Variants in TMTC2 observed in about 807,000 individuals in gnomAD.
The protein encoded by TMTC2 is protein O-mannosyl-transferase TMTC2.
Under a neutral mutation model 82.4 loss-of-function variants are expected in TMTC2, and 43 were observed. The ratio of observed to expected loss-of-function variants is 0.52; its 90% CI spans 0.41 to 0.67. The LOEUF (loss-of-function observed/expected upper bound fraction) is 0.67, where lower values mean the gene tolerates loss of function less well. Among genes scored for constraint, TMTC2 ranks in the 30% least tolerant of loss-of-function variants. TMTC2 has a pLI of 0.00. For missense variants in TMTC2, 919 were observed against 1,012.4 expected (o/e 0.91, Z 1.25); for synonymous variants, 408 against 381.9 (o/e 1.07, Z -0.80).
chr12:82,868,488 C>T (rs966014786), intron 2 of TMTC2, among the ~76,000 whole-genome samples: 1 of 152,046 alleles, frequency 6.6e-6, no homozygotes, highest in African/African-American at 2.4e-5. Flanking sequence ...ATCTTGCCAT[C>T]ATCATCATCT....
At chr12:82,703,894 C>G (rs891622326) in intron 1 of TMTC2, among the ~76,000 whole-genome samples, 3 of 152,196 alleles carry the variant, frequency 2.0e-5, no homozygotes, top group Non-Finnish European at 4.4e-5. Context: ...CCAGATTCAA[C>G]TGTCTATAGA....
intron 1 of TMTC2, among the ~76,000 whole-genome samples, chr12:82,780,431 AAC>A (rs1219574705): frequency 1.3e-5 from 2 of 151,914 alleles, no homozygotes; most frequent in African/African-American, 4.8e-5. Context: ...CACAACAGTA[AAC>A]AGTTTTTTTT....
intron 1 of TMTC2, among the ~76,000 whole-genome samples, chr12:82,814,108 T>C (rs570780452): frequency 6.6e-6 from 1 of 152,276 alleles, no homozygotes; most frequent in East Asian, 1.9e-4. Context: ...TGAAGGTACT[T>C]GCTCATGGTG....
intron 3 of TMTC2, among the ~76,000 whole-genome samples, chr12:82,920,383 C>G (rs1479907040): frequency 6.6e-6 from 1 of 152,076 alleles, no homozygotes; most frequent in Non-Finnish European, 1.5e-5. Context: ...CAGATCACAG[C>G]ATTTCTAGAG....
chr12:82,976,129 C>G (rs1277195629), intron 7 of TMTC2, among the ~76,000 whole-genome samples: 1 of 152,082 alleles, frequency 6.6e-6, no homozygotes, highest in Non-Finnish European at 1.5e-5. Flanking sequence ...TTTGAAAATT[C>G]TGAGCATTTA....
chr12:83,070,858 A>T (rs923423238), intron 11 of TMTC2, among the ~76,000 whole-genome samples: 1 of 152,112 alleles, frequency 6.6e-6, no homozygotes, highest in Admixed American at 6.5e-5. Context: ...TACACAGGGT[A>T]CATCCCTTGT....
intron 1 of TMTC2, among the ~76,000 whole-genome samples, chr12:82,705,208 G>A (rs1873292394): frequency 6.6e-6 from 1 of 152,156 alleles, no homozygotes; most frequent in Non-Finnish European, 1.5e-5. Context: ...GGTAGAGGGT[G>A]AGGGATAAAA....
At chr12:82,778,241 A>G (rs1877698567) in intron 1 of TMTC2, among the ~76,000 whole-genome samples, 2 of 152,138 alleles carry the variant, frequency 1.3e-5, no homozygotes, top group Admixed American at 6.5e-5. Context: ...TTCCCCAATC[A>G]TGACTAGAGA....
chr12:82,806,738 G>T (rs1179975143), intron 1 of TMTC2, among the ~76,000 whole-genome samples: 1 of 152,070 alleles, frequency 6.6e-6, no homozygotes, highest in African/African-American at 2.4e-5. Flanking sequence ...TCATTAAATA[G>T]AAGTGGATCG....
At chr12:83,108,939 A>G (rs1213064443) in intron 11 of TMTC2, among the ~76,000 whole-genome samples, 1 of 152,212 alleles carries the variant, frequency 6.6e-6, no homozygotes, top group Non-Finnish European at 1.5e-5. Flanking sequence ...AAGAACTAAT[A>G]TCAGTCACTT....
intron 4 of TMTC2, among the ~76,000 whole-genome samples, chr12:82,953,840 GA>G (rs11284711): frequency 0.91 from 134,884 of 147,942 alleles, 61,483 homozygotes; most frequent in East Asian, 0.99. Context: ...TTATCTCTGA[GA>G]AAAAAAAAAA....
In TMTC2 at chr12:82,965,843, A is replaced by G. The variant is rs563137935; in HGVS notation, c.1869+99A>G. 5.4e-6 allele frequency: 7 copies of G among 1,286,072 alleles called. No individual in the cohort carries two copies. In the African/African-American group the frequency reaches 7.3e-5, roughly 13 times the overall value. 79.7% of individuals were successfully genotyped at this position (1,286,072 alleles called of 1,614,324 possible). On this transcript the variant is annotated intron_variant, in intron 6 of 11. Coordinates refer to ENST00000321196, the MANE Select transcript of TMTC2 (RefSeq NM_152588.3). ...CCTCCTTTGAGCCTATGTCCTTTGA[A>G]CAACTAATATGTATACACGTTAAAC...
chr12:82,828,230 T>C (rs1222058026), intron 1 of TMTC2, among the ~76,000 whole-genome samples: 1 of 149,598 alleles, frequency 6.7e-6, no homozygotes, highest in South Asian at 2.2e-4. Flanking sequence ...TTTTTTTTTT[T>C]TCTGAGGCAG....
chr12:83,015,982 G>A (rs1880660484), intron 8 of TMTC2, among the ~76,000 whole-genome samples: 1 of 152,214 alleles, frequency 6.6e-6, no homozygotes, highest in Non-Finnish European at 1.5e-5. Context: ...AGAAGCGAAA[G>A]TGAATGAGTA....
intron 1 of TMTC2, among the ~76,000 whole-genome samples, chr12:82,689,934 T>TA (rs1192966574): frequency 6.6e-6 from 1 of 152,268 alleles, no homozygotes; most frequent in Non-Finnish European, 1.5e-5. Context: ...AAGTGTATTT[T>TA]ACACTGATTT....
rs138364623 is a variant in TMTC2 at position 82,794,613 on chromosome 12, G to C, written c.84-62397G>C. Among the ~76,000 whole-genome samples, 84 of 152,170 alleles carry C rather than the reference G, an allele frequency of 5.5e-4. 1 individual carries two copies. Among genetic ancestry groups the C allele is most frequent in the African/African-American group, 1.9e-3 (77 of 41,528 alleles). On this transcript the variant is annotated intron_variant, in intron 1 of 11. Coordinates refer to ENST00000321196, the MANE Select transcript of TMTC2 (RefSeq NM_152588.3). Reference sequence around the variant, plus strand: ...CCTCTTATAAAGGCTTCTATTATAAGCACATTAAAATGGTCATTACTCCAA... The same window carrying C: ...CCTCTTATAAAGGCTTCTATTATAACCACATTAAAATGGTCATTACTCCAA...
intron 4 of TMTC2, among the ~76,000 whole-genome samples, chr12:82,943,548 G>C (rs1876835368): frequency 6.6e-6 from 1 of 152,134 alleles, no homozygotes; most frequent in Non-Finnish European, 1.5e-5. Context: ...TTGCACTCCT[G>C]TTCTCTGATT....
At chr12:83,048,960 C>T (rs1265818601) in intron 9 of TMTC2, among the ~76,000 whole-genome samples, 6 of 152,300 alleles carry the variant, frequency 3.9e-5, no homozygotes, top group African/African-American at 1.4e-4. Flanking sequence ...TGAGCCACTG[C>T]GTCCAGCCAG....
intron 1 of TMTC2, among the ~76,000 whole-genome samples, chr12:82,762,962 A>C (rs1223641380): frequency 2.0e-5 from 3 of 152,172 alleles, no homozygotes; most frequent in African/African-American, 7.2e-5. Flanking sequence ...GTCCATTTTC[A>C]TACTGCTATG....
Sources: allele counts gnomAD v4.1 joint callset (sites outside exome capture counted in the v4.1 genomes callset), GRCh38; gene constraint gnomAD v4.1.1; transcripts MANE v1.5; gene names NCBI Gene and HGNC (gene_info 2026-07-23, HGNC 2026-07-21).